Variants in CD82 observed in about 807,000 individuals in gnomAD.
CD82 encodes CD82 antigen.
CD82 carries 36 observed loss-of-function variants against 37.4 expected under a neutral mutation model. The observed-to-expected ratio is 0.96, with a 90% CI of 0.74 to 1.27. The LOEUF is 1.27. Ranked by LOEUF, CD82 falls within the 50% of genes most tolerant of loss-of-function variation. CD82 has a pLI of 0.00. For synonymous variants in CD82, 158 were observed against 137.4 expected (o/e 1.15, Z -1.05); for missense variants, 340 against 347.0 (o/e 0.98, Z 0.16).
chr11:44,564,564 G>C (rs1040234343), upstream of CD82: 8 of 451,452 alleles, frequency 1.8e-5, no homozygotes, highest in African/African-American at 1.6e-4. Flanking sequence ...ACGCAGGGTG[G>C]GCACCGCAGC....
chr11:44,577,337 C>A (rs1852907766), intron 1 of CD82, among the ~76,000 whole-genome samples: 1 of 152,152 alleles, frequency 6.6e-6, no homozygotes, highest in Non-Finnish European at 1.5e-5. Context: ...AATGCCATCA[C>A]TTCCTCCTGT....
Position 44,619,597 on chromosome 11 carries a change from C to G in CD82, c.*471C>G, listed in dbSNP as rs1853629619. ...CTAACATGGTGAAACCCCGTCTCTA[C>G]TAAAAATACAAAAAAAATTTAGCCG... is the stretch of plus-strand genomic sequence containing the variant. On this transcript the variant is annotated 3_prime_UTR_variant, in exon 10 of 10. Coordinates refer to ENST00000227155, the MANE Select transcript of CD82 (RefSeq NM_002231.4). 2 of 151,704 alleles carry G rather than the reference C, an allele frequency of 1.3e-5. No homozygotes were observed. Among genetic ancestry groups the G allele is most frequent in the Admixed American group, 1.3e-4 (2 of 15,222 alleles). The allele number at this position is 151,704 out of a possible 1,614,324, so 9.4% of individuals were successfully genotyped here. A position where few individuals can be genotyped will look rare whatever the true frequency, so the allele number is the denominator to read the frequency against.
chr11:44,612,695 T>C (rs903205489), intron 6 of CD82, among the ~76,000 whole-genome samples: 16 of 130,626 alleles, frequency 1.2e-4, no homozygotes, highest in Non-Finnish European at 2.0e-4. Flanking sequence ...TGCAGTGGCG[T>C]GATCTCGGCT....
chr11:44,616,469 T>C (rs1853565755), intron 7 of CD82, among the ~76,000 whole-genome samples: 2 of 152,170 alleles, frequency 1.3e-5, no homozygotes, highest in East Asian at 3.9e-4. Flanking sequence ...GGAGGAGAAG[T>C]GGGTCCCTTG....
chr11:44,619,027 G>C (rs1565097463), intron 9 of CD82, 22 bp from the exon 10 acceptor site: 1 of 1,611,062 alleles, frequency 6.2e-7, no homozygotes, highest in East Asian at 2.2e-5. Flanking sequence ...GCCTCCCTCT[G>C]ACTCTCCGCC....
At chr11:44,594,616 C>G in intron 2 of CD82, 27 bp from the exon 3 acceptor site, 1 of 1,478,810 alleles carries the variant, frequency 6.8e-7, no homozygotes, top group Non-Finnish European at 9.5e-7. Context: ...GATCCCCTCA[C>G]TGGCCTGCCT....
Position 44,610,884 on chromosome 11 carries a change from G to C in CD82, c.337-4388G>C, listed in dbSNP as rs551048777. ...GAGTCTTGCTCTGTTGCCCAGGCTG[G>C]AGTGCAGTGGGATGATCTCGGCCCA... On this transcript the variant is annotated intron_variant, in intron 6 of 9. Coordinates refer to ENST00000227155, the MANE Select transcript of CD82 (RefSeq NM_002231.4). 6.6e-5 allele frequency among the ~76,000 whole-genome samples: 10 copies of C among 152,104 alleles called. No individual in the cohort carries two copies. In the South Asian group the frequency reaches 2.1e-3, roughly 32 times the overall value.
chr11:44,605,799 C>T (rs902057570), intron 6 of CD82, among the ~76,000 whole-genome samples: 4 of 152,182 alleles, frequency 2.6e-5, no homozygotes, highest in Non-Finnish European at 4.4e-5. Flanking sequence ...AAACACATAG[C>T]GCATGGCACC....
intron 2 of CD82, among the ~76,000 whole-genome samples, chr11:44,589,894 C>T (rs1400322945): frequency 2.0e-5 from 3 of 151,950 alleles, no homozygotes; most frequent in Admixed American, 6.6e-5. Context: ...AGTGCAGTGG[C>T]GCGATCTCGG....
intron 6 of CD82, among the ~76,000 whole-genome samples, chr11:44,613,032 A>C (rs933866180): frequency 6.6e-6 from 1 of 152,058 alleles, no homozygotes; most frequent in African/African-American, 2.4e-5. Context: ...TCATTCAAGG[A>C]CTGCCCATGG....
At chr11:44,618,990 C>A in intron 9 of CD82, 59 bp from the exon 10 acceptor site, 2 of 1,419,820 alleles carry the variant, frequency 1.4e-6, no homozygotes, top group Non-Finnish European at 2.0e-6. Context: ...GATGGTGAGG[C>A]TGGGGCGTCT....
intron 2 of CD82, 85 bp from the exon 3 acceptor site, chr11:44,594,558 C>A: frequency 1.2e-6 from 1 of 821,970 alleles, no homozygotes; most frequent in Non-Finnish European, 2.2e-6. Flanking sequence ...AAGGCAGGGA[C>A]AGGGTTAGTA....
chr11:44,580,210 G>C (rs969399840), intron 1 of CD82, among the ~76,000 whole-genome samples: 1 of 152,130 alleles, frequency 6.6e-6, no homozygotes, highest in African/African-American at 2.4e-5. Flanking sequence ...CCTCCACACC[G>C]GCCCATCTCT....
At chr11:44,595,007 A>G in intron 3 of CD82, 1 of 476,016 alleles carries the variant, frequency 2.1e-6, no homozygotes, top group African/African-American at 2.0e-5. Flanking sequence ...GAAGGAGAGG[A>G]GAGCCCCTGG....
intron 6 of CD82, among the ~76,000 whole-genome samples, chr11:44,610,787 C>G (rs1348007343): frequency 6.6e-6 from 1 of 152,174 alleles, no homozygotes; most frequent in Admixed American, 6.5e-5. Context: ...GGCATTCAAC[C>G]TATGCAGTCA....
chr11:44,595,503 T>TAAAA (rs34679456), intron 3 of CD82, among the ~76,000 whole-genome samples: 1 of 151,456 alleles, frequency 6.6e-6, no homozygotes, highest in African/African-American at 2.4e-5. Context: ...CCTATAGTGT[T>TAAAA]AAAAAAAAAT....
intron 2 of CD82, among the ~76,000 whole-genome samples, chr11:44,589,942 T>C (rs140236629): frequency 0.024 from 3,599 of 152,216 alleles, 129 homozygotes; most frequent in African/African-American, 0.081. Context: ...TACACCATTC[T>C]CCTGCCTCAG....
chr11:44,582,480 T>C (rs995675199), intron 1 of CD82, among the ~76,000 whole-genome samples: 1 of 152,190 alleles, frequency 6.6e-6, no homozygotes, highest in African/African-American at 2.4e-5. Flanking sequence ...TGGTTTCCTC[T>C]TGGAGGGTCC....
In CD82 at chr11:44,620,138, C is replaced by A; in HGVS notation, c.*1012C>A. On this transcript the variant is annotated 3_prime_UTR_variant, in exon 10 of 10. Transcript: ENST00000227155. The stretch of plus-strand genomic sequence containing the variant: ...TTGGGGGCATGGCACAGAGCTGGTC[C>A]TGTATTCTCCAGGGTCCGGAGCTGG... 1 of 152,282 alleles carries A rather than the reference C, an allele frequency of 6.6e-6. No individual in the cohort carries two copies. Among genetic ancestry groups the A allele is most frequent in the Non-Finnish European group, 1.5e-5 (1 of 68,160 alleles). 9.4% of individuals were successfully genotyped at this position (152,282 alleles called of 1,614,324 possible).
Sources: allele counts gnomAD v4.1 joint callset (sites outside exome capture counted in the v4.1 genomes callset), GRCh38; gene constraint gnomAD v4.1.1; transcripts MANE v1.5; gene names NCBI Gene and HGNC (gene_info 2026-07-23, HGNC 2026-07-21).